The following ADAMTSL1 variants were observed in gnomAD, a reference collection of about 807,000 sequenced individuals.
ADAMTSL1 encodes ADAMTS-like protein 1.
ADAMTSL1 carries 126 observed loss-of-function variants against 201.8 expected under a neutral mutation model. The observed-to-expected ratio is 0.62, with a 90% CI of 0.54 to 0.72. The LOEUF is 0.72. Among genes scored for constraint, ADAMTSL1 ranks in the 30% least tolerant of loss-of-function variants. The pLI is 0.00. For synonymous variants in ADAMTSL1, 1,121 were observed against 903.4 expected (o/e 1.24, Z -4.32); for missense variants, 2,679 against 2,277.8 (o/e 1.18, Z -3.59).
At chr9:18,878,844 G>A (rs2082580) in intron 23 of ADAMTSL1, among the ~76,000 whole-genome samples, 58,288 of 151,912 alleles carry the variant, frequency 0.38, 11,597 homozygotes, top group African/African-American at 0.46. Context: ...TTAGAATTTC[G>A]AAGCTTGGAG....
intron 2 of ADAMTSL1, among the ~76,000 whole-genome samples, chr9:18,335,208 T>C (rs950021004): frequency 5.9e-5 from 9 of 152,174 alleles, no homozygotes; most frequent in Admixed American, 3.9e-4. Flanking sequence ...ACATATTTGT[T>C]TTTTTAAAAA....
Position 18,908,447 on chromosome 9 carries a change from T to C in ADAMTSL1, c.5188T>C (p.Cys1730Arg). ...ACCCCGTCCTCCTTTCCCAGTGGAG[T>C]GCAGAGACACCACCAGGTACTGCGA... The part of the protein sequence containing the change: ...CNITPCENME[C>R]RDTTRYCEKV... The change falls in exon 29 of 29, where the codon TGC becomes CGC. Residue 1730 changes from cysteine (C) to arginine (R), a missense_variant. Cys to Arg is a radical substitution (Grantham distance 180, BLOSUM62 -3). Transcript: ENST00000380548. 1.3e-6 allele frequency: 2 copies of C among 1,556,956 alleles called. No homozygotes were observed. The highest frequency in any genetic ancestry group is 1.7e-6 in the Non-Finnish European group (2 of 1,150,216).
chr9:18,406,810 T>C (rs1818226723), intron 2 of ADAMTSL1, among the ~76,000 whole-genome samples: 1 of 152,200 alleles, frequency 6.6e-6, no homozygotes, highest in Non-Finnish European at 1.5e-5. Flanking sequence ...AGAATGAAGA[T>C]TTGGGTACAT....
intron 2 of ADAMTSL1, among the ~76,000 whole-genome samples, chr9:18,438,376 G>A (rs757091062): frequency 2.2e-4 from 33 of 152,122 alleles, no homozygotes; most frequent in Admixed American, 3.9e-4. Flanking sequence ...TAGGGAGCTC[G>A]CCTTTTGATC....
At chr9:18,511,962 T>C (rs1818055767) in intron 2 of ADAMTSL1, among the ~76,000 whole-genome samples, 1 of 152,212 alleles carries the variant, frequency 6.6e-6, no homozygotes, top group East Asian at 1.9e-4. Flanking sequence ...GCAGGCTTTA[T>C]CTGTTATTCT....
In ADAMTSL1 at chr9:17,961,319, G is replaced by A. The variant is rs113238361; in HGVS notation, c.87+54397G>A. ...GCTGGAGTGTAATGACGCAATCTTG[G>A]CTAACCACAACCTCCACCTCCCGGG... On this transcript the variant is annotated intron_variant, in intron 1 of 29. Transcript: ENST00000680146. Among the ~76,000 whole-genome samples, 1,016 of 152,160 alleles carry A rather than the reference G, an allele frequency of 6.7e-3. 14 individuals are homozygous for A. Among genetic ancestry groups the A allele is most frequent in the African/African-American group, 0.023 (969 of 41,518 alleles).
intron 15 of ADAMTSL1, among the ~76,000 whole-genome samples, chr9:18,751,729 G>A (rs1819479954): frequency 6.6e-6 from 1 of 152,176 alleles, no homozygotes; most frequent in African/African-American, 2.4e-5. Context: ...AGTGTCTGGA[G>A]CAAGTATGGA....
intron 2 of ADAMTSL1, among the ~76,000 whole-genome samples, chr9:18,249,261 T>C (rs996739900): frequency 1.3e-5 from 2 of 152,228 alleles, no homozygotes; most frequent in Non-Finnish European, 2.9e-5. Flanking sequence ...TTTGCTCAAA[T>C]CATAAATGCA....
chr9:18,317,071 T>C (rs945601714), intron 2 of ADAMTSL1, among the ~76,000 whole-genome samples: 1 of 152,176 alleles, frequency 6.6e-6, no homozygotes, highest in African/African-American at 2.4e-5. Context: ...ATCTTGTCAT[T>C]TGTGAAAATG....
chr9:17,982,118 C>T (rs901363460), intron 1 of ADAMTSL1, among the ~76,000 whole-genome samples: 2 of 152,198 alleles, frequency 1.3e-5, no homozygotes, highest in Admixed American at 6.6e-5. Flanking sequence ...TGGTGTTCCT[C>T]TCTCTTGTTT....
At chr9:18,605,825 G>A (rs191387707) in intron 4 of ADAMTSL1, among the ~76,000 whole-genome samples, 1 of 152,292 alleles carries the variant, frequency 6.6e-6, no homozygotes, top group East Asian at 1.9e-4. Flanking sequence ...AGGGGTCAAA[G>A]CTGAGTATAA....
chr9:18,007,231 C>T (rs746136456), intron 1 of ADAMTSL1, among the ~76,000 whole-genome samples: 1 of 152,020 alleles, frequency 6.6e-6, no homozygotes, highest in Non-Finnish European at 1.5e-5. Context: ...CCTCATGGAA[C>T]ATTGGTATTT....
intron 2 of ADAMTSL1, among the ~76,000 whole-genome samples, chr9:18,408,195 G>A (rs540149161): frequency 4.6e-5 from 7 of 152,138 alleles, no homozygotes; most frequent in African/African-American, 9.7e-5. Context: ...AGGGCCAGGC[G>A]CTGTGGCTGA....
At chr9:18,658,273 C>G (rs567192642) in intron 8 of ADAMTSL1, among the ~76,000 whole-genome samples, 1 of 152,124 alleles carries the variant, frequency 6.6e-6, no homozygotes, top group Admixed American at 6.5e-5. Context: ...CGTGCCCGAC[C>G]GAGGAAACAG....
intron 2 of ADAMTSL1, among the ~76,000 whole-genome samples, chr9:18,259,541 G>A (rs971126524): frequency 2.6e-5 from 4 of 151,316 alleles, no homozygotes; most frequent in Admixed American, 2.6e-4. Context: ...ATATCCTTAT[G>A]TAGCATCACA....
chr9:18,764,913 C>A (rs889908774), intron 16 of ADAMTSL1, among the ~76,000 whole-genome samples: 1 of 152,142 alleles, frequency 6.6e-6, no homozygotes, highest in Non-Finnish European at 1.5e-5. Context: ...TAAATCAAGT[C>A]CTATCTGCAA....
intron 23 of ADAMTSL1, among the ~76,000 whole-genome samples, chr9:18,882,875 C>G (rs898955524): frequency 6.6e-6 from 1 of 151,772 alleles, no homozygotes; most frequent in Non-Finnish European, 1.5e-5. Flanking sequence ...GCCTGTAATC[C>G]TAGCTATTTG....
chr9:18,406,186 G>T (rs1818184351), intron 2 of ADAMTSL1, among the ~76,000 whole-genome samples: 1 of 152,300 alleles, frequency 6.6e-6, no homozygotes, highest in East Asian at 1.9e-4. Context: ...GAATGCATGA[G>T]GGAGGAGAGA....
At position 18,497,720 on chromosome 9, in the gene ADAMTSL1, A is replaced by G. The variant is rs183317721; in HGVS notation, c.64-7109A>G. 1.4e-4 allele frequency among the ~76,000 whole-genome samples: 22 copies of G among 152,330 alleles called. No individual in the cohort carries two copies. In the East Asian group the frequency reaches 3.7e-3, roughly 25 times the overall value. ...ATGGTCTGTCGAAAATTTCCTGAATACTAACCTTTGTTCATATCAGCAATT... is the reference window on the plus strand; with the variant it reads ...ATGGTCTGTCGAAAATTTCCTGAATGCTAACCTTTGTTCATATCAGCAATT... On this transcript the variant is annotated intron_variant, in intron 1 of 28. Coordinates refer to ENST00000380548, the MANE Select transcript of ADAMTSL1 (RefSeq NM_001040272.6).
Sources: gnomAD v4.1 joint callset for allele counts (sites outside exome capture counted in the v4.1 genomes callset) on GRCh38, gnomAD v4.1.1 for gene constraint, MANE v1.5 for transcripts, NCBI Gene and HGNC (gene_info 2026-07-23, HGNC 2026-07-21) for gene names.